The following RPS10 variants were observed in gnomAD, a reference collection of about 807,000 sequenced individuals.
The protein encoded by RPS10 is small ribosomal subunit protein eS10.
RPS10 carries 2 observed loss-of-function variants against 22.6 expected under a neutral mutation model. The ratio of observed to expected loss-of-function variants is 0.09; its 90% CI spans 0.04 to 0.28. The LOEUF is 0.28. Among genes scored for constraint, RPS10 ranks in the 10% least tolerant of loss-of-function variants. The pLI is 1.00. For synonymous variants in RPS10, 70 were observed against 75.9 expected (o/e 0.92, Z 0.40); for missense variants, 137 against 222.2 (o/e 0.62, Z 2.44).
chr6:34,420,262 G>A (rs964357569), intron 4 of RPS10, among the ~76,000 whole-genome samples: 1 of 151,988 alleles, frequency 6.6e-6, no homozygotes, highest in Admixed American at 6.6e-5. Flanking sequence ...GTTGCCCAGG[G>A]TGGAGTGCAG....
At chr6:34,417,630 A>G (rs924003182) in intron 5 of RPS10, 83 bp from the exon 6 acceptor site, 29 of 1,359,796 alleles carry the variant, frequency 2.1e-5, no homozygotes, top group Non-Finnish European at 2.5e-5. Context: ...AGGCCTCATT[A>G]TAACTCCAGA....
At chr6:34,425,002 C>T in intron 2 of RPS10, 70 bp downstream of exon 2, 2 of 1,611,162 alleles carry the variant, frequency 1.2e-6, no homozygotes, top group Non-Finnish European at 1.7e-6. Context: ...CCCTCCATCC[C>T]ATTCCATCCC....
intron 3 of RPS10, 62 bp from the exon 4 acceptor site, chr6:34,421,869 A>G (rs1765781085): frequency 6.3e-7 from 1 of 1,595,744 alleles, no homozygotes; most frequent in Non-Finnish European, 8.6e-7. Context: ...CCTTAAAGCC[A>G]AGAAAACTGG....
rs149178129 is a variant in RPS10, at chr6:34,423,673, C to T, written c.322+996G>A. Among the ~76,000 whole-genome samples, 982 of 152,220 alleles carry T rather than the reference C, an allele frequency of 6.5e-3. 7 individuals carry two copies. Among genetic ancestry groups the T allele is most frequent in the Non-Finnish European group, 7.1e-3 (486 of 68,022 alleles). Reference sequence around the variant, plus strand: ...GCTGAGGTGGTGGATCACCTGAGGTCAGGAGTTCGAGCCCAGCCTGGCCAA... The same window carrying T: ...GCTGAGGTGGTGGATCACCTGAGGTTAGGAGTTCGAGCCCAGCCTGGCCAA... On this transcript the variant is annotated intron_variant, in intron 3 of 5. Coordinates refer to ENST00000648437, the MANE Select transcript of RPS10 (RefSeq NM_001014.5).
At chr6:34,423,924 C>A (rs547089385) in intron 3 of RPS10, among the ~76,000 whole-genome samples, 105 of 152,118 alleles carry the variant, frequency 6.9e-4, no homozygotes, top group African/African-American at 2.2e-3. Flanking sequence ...GGGGAGCTTT[C>A]ATAACGAATT....
intron 5 of RPS10, 43 bp from the exon 6 acceptor site, chr6:34,417,590 GT>G: frequency 6.2e-7 from 1 of 1,608,476 alleles, no homozygotes. Context: ...CGGCACTCTG[GT>G]TTGATCTTTG....
At position 34,424,055 on chromosome 6, in the gene RPS10, A is replaced by G. The variant is rs114040172; in HGVS notation, c.322+614T>C. On this transcript the variant is annotated intron_variant, in intron 3 of 5. Transcript: ENST00000648437. The stretch of plus-strand genomic sequence containing the variant: ...TGCAGCTCCTACAGAGTTTTGTAAC[A>G]AAGAACCATAACCTAGATAAAATAC... 9.0e-3 allele frequency among the ~76,000 whole-genome samples: 1,355 copies of G among 150,574 alleles called. 17 individuals are homozygous for G. Among genetic ancestry groups the G allele is most frequent in the Middle Eastern group, 0.024 (7 of 292 alleles).
intron 4 of RPS10, among the ~76,000 whole-genome samples, chr6:34,420,220 C>T (rs1191074790): frequency 1.3e-5 from 2 of 151,912 alleles, no homozygotes; most frequent in South Asian, 2.1e-4. Context: ...TTTCAGTAAT[C>T]GTTTTCTTTT....
At chr6:34,424,140 T>TAAAAAAA (rs71538239) in intron 3 of RPS10, 2,305 of 49,114 alleles carry the variant, frequency 0.047, 666 homozygotes, top group African/African-American at 0.062. Context: ...AAGACTCCGT[T>TAAAAAAA]AAAAAAAAAA....
chr6:34,419,048 C>T (rs898011701), intron 4 of RPS10, among the ~76,000 whole-genome samples: 4 of 152,030 alleles, frequency 2.6e-5, no homozygotes, highest in Middle Eastern at 3.2e-3. Flanking sequence ...GACTGAATTT[C>T]GCTCTTGTTG....
chr6:34,418,541 A>G (rs1765653414), intron 4 of RPS10, 117 bp from the exon 5 acceptor site: 1 of 1,497,260 alleles, frequency 6.7e-7, no homozygotes, highest in Non-Finnish European at 9.1e-7. Context: ...TCCGTTAAAT[A>G]TAAGCAAATT....
At chr6:34,425,553 C>A (rs1284674270) in intron 1 of RPS10, 3 of 350,070 alleles carry the variant, frequency 8.6e-6, no homozygotes, top group Non-Finnish European at 1.7e-5. Context: ...CATCAGCGAC[C>A]GTACCCAGCG....
chr6:34,422,343 C>T (rs1765796653), intron 3 of RPS10, among the ~76,000 whole-genome samples: 2 of 152,146 alleles, frequency 1.3e-5, no homozygotes, highest in Non-Finnish European at 2.9e-5. Flanking sequence ...GAGACGGAGT[C>T]TCACTCTGTC....
At chr6:34,422,315 T>TA (rs1765795726) in intron 3 of RPS10, among the ~76,000 whole-genome samples, 1 of 152,024 alleles carries the variant, frequency 6.6e-6, no homozygotes, top group South Asian at 2.1e-4. Flanking sequence ...GAAACTTTAT[T>TA]ATTTATTATC....
intron 4 of RPS10, among the ~76,000 whole-genome samples, chr6:34,421,445 C>T (rs868303564): frequency 5.9e-5 from 9 of 151,954 alleles, no homozygotes; most frequent in African/African-American, 1.7e-4. Context: ...CGACCCCCCC[C>T]CTCCAACCAA....
rs200869507 is a variant in RPS10 at position 34,417,483 on chromosome 6, A to G, written c.*23T>C. 14 of 1,606,552 alleles carry G rather than the reference A, an allele frequency of 8.7e-6. No individual in the cohort carries two copies. The highest frequency in any genetic ancestry group is 2.7e-5 in the African/African-American group (2 of 74,780). ...GGTTTTTTGGCTGTAAGTTTATTCA[A>G]TGCAAAAGAATCCTCTCCAATTTTA... On this transcript the variant is annotated 3_prime_UTR_variant, in exon 6 of 6. Coordinates refer to ENST00000648437, the MANE Select transcript of RPS10 (RefSeq NM_001014.5).
At position 34,425,200 on chromosome 6, in the gene RPS10, G is replaced by C. The variant is rs745760166; in HGVS notation, c.22C>G (p.Arg8Gly). Reference protein sequence around the residue: MLMPKKNRIAIYELLFKE... With the variant: MLMPKKNGIAIYELLFKE... The stretch of plus-strand genomic sequence containing the variant: ...AAAAGGAGTTCATAAATGGCAATCC[G>C]GTTCTTCTTAGGCATCAACATCTGC... Residue 8 changes from arginine to glycine, a missense_variant, in exon 2 of 6, where the codon CGG becomes GGG. Arg to Gly is a moderately radical substitution (Grantham distance 125). Coordinates refer to ENST00000648437, the MANE Select transcript of RPS10 (RefSeq NM_001014.5). 6.2e-7 allele frequency: 1 copy of C among 1,611,876 alleles called. No individual in the cohort carries two copies. The highest frequency in any genetic ancestry group is 2.2e-5 in the East Asian group (1 of 44,864).
intron 5 of RPS10, chr6:34,418,125 T>C: frequency 4.2e-6 from 6 of 1,425,300 alleles, no homozygotes; most frequent in South Asian, 3.0e-5. Context: ...CAAGCATTAA[T>C]GAAACAGAAA....
intron 4 of RPS10, 93 bp downstream of exon 4, chr6:34,421,637 C>T: frequency 1.4e-6 from 2 of 1,406,050 alleles, no homozygotes; most frequent in Non-Finnish European, 1.0e-6. Context: ...ATTTTGTCAT[C>T]ATCAAGGGCT....
Sources: allele counts gnomAD v4.1 joint callset (sites outside exome capture counted in the v4.1 genomes callset), GRCh38; gene constraint gnomAD v4.1.1; transcripts MANE v1.5; gene names NCBI Gene and HGNC (gene_info 2026-07-23, HGNC 2026-07-21).